Variants in PHKA2 observed in about 807,000 individuals in gnomAD.
PHKA2 encodes the protein phosphorylase kinase regulatory subunit alpha 2.
PHKA2 carries 31 observed loss-of-function variants against 102.0 expected under a neutral mutation model. That is an observed-to-expected ratio of 0.30 (90% confidence interval 0.23 to 0.41). The LOEUF (loss-of-function observed/expected upper bound fraction) is 0.41. PHKA2 is among the 10% of genes least tolerant of loss of function. The pLI is 1.00. For missense variants in PHKA2, 858 were observed against 1,023.1 expected (o/e 0.84, Z 2.20); for synonymous variants, 455 against 416.2 (o/e 1.09, Z -1.13).
At chrX:18,903,748 C>T (rs1035980029) in intron 26 of PHKA2, among the ~76,000 whole-genome samples, 3 of 112,044 alleles carry the variant, frequency 2.7e-5, no homozygotes, top group African/African-American at 6.5e-5. Flanking sequence ...GCACCAGCCT[C>T]GGGGCTCAAA....
At chrX:18,901,214 C>G (rs909954610) in intron 27 of PHKA2, among the ~76,000 whole-genome samples, 1 of 110,740 alleles carries the variant, frequency 9.0e-6, no homozygotes, top group Non-Finnish European at 1.9e-5. Context: ...GAGTGGTTCT[C>G]GGGAACAGAG....
intron 1 of PHKA2, among the ~76,000 whole-genome samples, chrX:18,971,294 T>G (rs1208926327): frequency 8.9e-6 from 1 of 112,521 alleles, no homozygotes; most frequent in Non-Finnish European, 1.9e-5. Flanking sequence ...TGTTTAGATT[T>G]GCTTTACTTT....
intron 29 of PHKA2, chrX:18,897,758 G>A (rs894122683): frequency 1.3e-5 from 2 of 157,771 alleles, no homozygotes; most frequent in South Asian, 3.4e-4. Flanking sequence ...GACACAGTCA[G>A]GCATCCTATA....
chrX:18,908,768 G>C (rs753396943), intron 21 of PHKA2, 33 bp downstream of exon 21: 1 of 1,112,240 alleles, frequency 9.0e-7, no homozygotes, highest in South Asian at 1.8e-5. Flanking sequence ...ATGGTATTTT[G>C]TTATAACTGC....
chrX:18,915,354 G>T (rs1396058111), intron 19 of PHKA2: 1 of 108,611 alleles, frequency 9.2e-6, no homozygotes, highest in Non-Finnish European at 1.9e-5. Context: ...CTCTCTTTCA[G>T]AAAAAGAAAT....
chrX:18,966,281 A>G (rs1297810452), intron 1 of PHKA2, among the ~76,000 whole-genome samples: 1 of 109,180 alleles, frequency 9.2e-6, no homozygotes, highest in African/African-American at 3.3e-5. Flanking sequence ...TAGTAGAGAC[A>G]GGGTTTCACC....
chrX:18,949,342 G>A (rs1174886109), intron 4 of PHKA2, among the ~76,000 whole-genome samples: 4 of 111,933 alleles, frequency 3.6e-5, no homozygotes, highest in Non-Finnish European at 7.5e-5. Context: ...AAGCTGCTAT[G>A]GATATGATAG....
intron 20 of PHKA2, among the ~76,000 whole-genome samples, 197 bp from the exon 21 acceptor site, chrX:18,909,131 AAG>A (rs1463192240): frequency 8.9e-6 from 1 of 112,438 alleles, no homozygotes; most frequent in African/African-American, 3.2e-5. Context: ...CAACATTTGC[AAG>A]AGACTGGACT....
intron 15 of PHKA2, 138 bp from the exon 16 acceptor site, chrX:18,924,663 T>C (rs774653832): frequency 9.7e-5 from 58 of 597,243 alleles, no homozygotes; most frequent in Non-Finnish European, 1.5e-4. Flanking sequence ...CACCCAGTCA[T>C]GGGGCTGCCC....
chrX:18,969,713 G>T, intron 1 of PHKA2, among the ~76,000 whole-genome samples: 1 of 110,926 alleles, frequency 9.0e-6, no homozygotes, highest in East Asian at 2.9e-4. Context: ...ATCCTGAAAG[G>T]GTGTCAGGGA....
rs924402460 is a variant in PHKA2 at position 18,935,906 on chromosome X, G to A, written c.1137+149C>T. 59 of 491,851 alleles carry A rather than the reference G, an allele frequency of 1.2e-4. No individual in the cohort carries two copies. In the Middle Eastern group the frequency reaches 4.0e-3, roughly 33 times the overall value. The allele number at this position is 491,851 out of a possible 1,213,427, so 40.5% of individuals were successfully genotyped here. A position where few individuals can be genotyped will look rare whatever the true frequency, so the allele number is the denominator to read the frequency against. Reference sequence around the variant, plus strand: ...GCTGGGATTACAGGCGTGAGCCACCGCGCCCAGCCTACCTAAGGCTTTTGA... The same window carrying A: ...GCTGGGATTACAGGCGTGAGCCACCACGCCCAGCCTACCTAAGGCTTTTGA... On this transcript the variant is annotated intron_variant, in intron 11 of 32. Coordinates refer to ENST00000379942, the MANE Select transcript of PHKA2 (RefSeq NM_000292.3).
intron 1 of PHKA2, among the ~76,000 whole-genome samples, chrX:18,969,121 A>T (rs1041877826): frequency 2.8e-5 from 3 of 107,515 alleles, no homozygotes; most frequent in Non-Finnish European, 3.8e-5. Flanking sequence ...ATATTTAAAA[A>T]AAAAAAAAAA....
intron 1 of PHKA2, among the ~76,000 whole-genome samples, chrX:18,975,018 C>T (rs2049066982): frequency 9.0e-6 from 1 of 110,930 alleles, no homozygotes; most frequent in South Asian, 3.8e-4. Flanking sequence ...CTCGTCTCGT[C>T]TCAGGGCCTT....
At chrX:18,927,859 C>A (rs1440799392) in intron 13 of PHKA2, among the ~76,000 whole-genome samples, 1 of 111,508 alleles carries the variant, frequency 9.0e-6, no homozygotes, top group Non-Finnish European at 1.9e-5. Flanking sequence ...AAAACCCCAG[C>A]AGCCACTCTC....
At chrX:18,932,812 C>T (rs1042427414) in intron 11 of PHKA2, among the ~76,000 whole-genome samples, 3 of 111,155 alleles carry the variant, frequency 2.7e-5, no homozygotes, top group African/African-American at 9.8e-5. Flanking sequence ...AAATGTAAGT[C>T]GTGTTAAGAA....
At chrX:18,934,127 C>T (rs2048355787) in intron 11 of PHKA2, among the ~76,000 whole-genome samples, 1 of 112,038 alleles carries the variant, frequency 8.9e-6, no homozygotes, top group African/African-American at 3.2e-5. Context: ...AAGGAGCGAC[C>T]TGAAGCGGGA....
At chrX:18,911,984 T>C (rs1388778456) in intron 19 of PHKA2, among the ~76,000 whole-genome samples, 3 of 112,155 alleles carry the variant, frequency 2.7e-5, no homozygotes, top group Non-Finnish European at 5.6e-5. Context: ...CTGCCACTGC[T>C]GGGCAGTAGG....
intron 25 of PHKA2, 135 bp downstream of exon 25, chrX:18,906,360 T>G: frequency 2.6e-6 from 2 of 766,352 alleles, no homozygotes; most frequent in Non-Finnish European, 4.0e-6. Flanking sequence ...GAGAAGCTGG[T>G]AAGGCCTGAG....
intron 18 of PHKA2, among the ~76,000 whole-genome samples, chrX:18,919,160 T>C (rs1013205172): frequency 1.8e-4 from 20 of 112,014 alleles, no homozygotes; most frequent in African/African-American, 6.5e-4. Flanking sequence ...GCCTGAAGGA[T>C]AGCAGCCGAA....
Sources: gnomAD v4.1 joint callset for allele counts (sites outside exome capture counted in the v4.1 genomes callset) on GRCh38, gnomAD v4.1.1 for gene constraint, MANE v1.5 for transcripts, NCBI Gene and HGNC (gene_info 2026-07-23, HGNC 2026-07-21) for gene names.